Variants in SRD5A3 observed in about 807,000 individuals in gnomAD.
The protein encoded by SRD5A3 is polyprenal reductase.
In SRD5A3, 24 loss-of-function variants were observed where a neutral mutation model predicts 34.3. The observed-to-expected ratio is 0.70, with a 90% CI of 0.51 to 0.99. The LOEUF is 0.99. Among genes scored for constraint, SRD5A3 ranks in the 50% least tolerant of loss-of-function variants. The pLI, the probability that SRD5A3 is intolerant of heterozygous loss-of-function variation, is 0.00. For synonymous variants in SRD5A3, 161 were observed against 167.3 expected, an observed-to-expected ratio of 0.96 and a Z score of 0.29; for missense variants, 350 against 388.2, an observed-to-expected ratio of 0.90 and a Z score of 0.83.
intron 1 of SRD5A3, chr4:55,359,056 C>A (rs1719579260): frequency 2.5e-6 from 1 of 396,944 alleles, no homozygotes; most frequent in African/African-American, 2.1e-5. Flanking sequence ...TTCTGTTACC[C>A]AGCAATCAGA....
chr4:55,360,910 G>A (rs972636673), intron 2 of SRD5A3, among the ~76,000 whole-genome samples: 25 of 152,096 alleles, frequency 1.6e-4, no homozygotes, highest in African/African-American at 4.8e-4. Flanking sequence ...GGCTGGTCTC[G>A]AATTCCTGAC....
At chr4:55,365,593 G>A (rs1719859972) in intron 3 of SRD5A3, 1 of 152,268 alleles carries the variant, frequency 6.6e-6, no homozygotes, top group South Asian at 2.1e-4. Context: ...GCGTGTTCTT[G>A]TTTGTTGGCG....
chr4:55,354,438 C>G (rs777905605), intron 1 of SRD5A3, among the ~76,000 whole-genome samples: 1 of 152,170 alleles, frequency 6.6e-6, no homozygotes, highest in Non-Finnish European at 1.5e-5. Context: ...GTTTTAGGCC[C>G]CAAACCATAG....
At chr4:55,361,270 T>C (rs546934885) in intron 2 of SRD5A3, among the ~76,000 whole-genome samples, 49 of 151,800 alleles carry the variant, frequency 3.2e-4, no homozygotes, top group African/African-American at 1.1e-3. Flanking sequence ...TCACTTGAGG[T>C]CAAGAATTCA....
intron 1 of SRD5A3, among the ~76,000 whole-genome samples, chr4:55,353,596 G>A (rs1719292344): frequency 6.6e-6 from 1 of 152,170 alleles, no homozygotes. Flanking sequence ...TCTTGCTGCT[G>A]CTCACTCTTT....
rs1383248178 is a variant in SRD5A3, at chr4:55,372,527, C to T, written c.*2436C>T. ...GCATGGCCTTTGGTGAAAGCGTCAC[C>T]GATGGGAAATAATTGAGAATTGTGC... On this transcript the variant is annotated 3_prime_UTR_variant, in exon 5 of 5. Transcript: ENST00000264228. 3 of 152,080 alleles carry T rather than the reference C, an allele frequency of 2.0e-5. No homozygotes were observed. Among genetic ancestry groups the T allele is most frequent in the East Asian group, 1.9e-4 (1 of 5,194 alleles). 9.4% of individuals were successfully genotyped at this position (152,080 alleles called of 1,614,324 possible).
At chr4:55,353,439 C>G (rs2109465002) in intron 1 of SRD5A3, among the ~76,000 whole-genome samples, 1 of 152,300 alleles carries the variant, frequency 6.6e-6, no homozygotes, top group South Asian at 2.1e-4. Flanking sequence ...ATGGACCAAT[C>G]AGCACTCTGT....
intron 1 of SRD5A3, among the ~76,000 whole-genome samples, chr4:55,350,388 G>A (rs4864541): frequency 0.99 from 150,607 of 152,330 alleles, 74,478 homozygotes; most frequent in Middle Eastern, 1. Flanking sequence ...AGAAATATAC[G>A]TATTACTATA....
At chr4:55,350,124 C>A (rs933271774) in intron 1 of SRD5A3, among the ~76,000 whole-genome samples, 2 of 152,096 alleles carry the variant, frequency 1.3e-5, no homozygotes, top group African/African-American at 4.8e-5. Flanking sequence ...AATCCCAGCA[C>A]TTTGGGAGGC....
intron 2 of SRD5A3, among the ~76,000 whole-genome samples, 172 bp downstream of exon 2, chr4:55,359,660 A>G (rs1455940537): frequency 6.6e-6 from 1 of 152,162 alleles, no homozygotes; most frequent in Non-Finnish European, 1.5e-5. Flanking sequence ...CGGATGGCCA[A>G]AAGGATGTCC....
intron 2 of SRD5A3, among the ~76,000 whole-genome samples, chr4:55,362,862 A>G (rs746572979): frequency 1.4e-5 from 2 of 141,868 alleles, no homozygotes; most frequent in Non-Finnish European, 3.0e-5. Context: ...TTTTTTTTTA[A>G]TGGAGACAGA....
Position 55,370,450 on chromosome 4 carries a change from C to T in SRD5A3, c.*359C>T, listed in dbSNP as rs1405809223. The T allele has an allele frequency of 8.7e-5, 27 of 311,452 alleles. No homozygotes were observed. Among genetic ancestry groups the T allele is most frequent in the Non-Finnish European group, 1.4e-4 (23 of 166,490 alleles). 19.3% of individuals were successfully genotyped at this position (311,452 alleles called of 1,614,324 possible). A position where few individuals can be genotyped will look rare whatever the true frequency, so the allele number is the denominator to read the frequency against. ...ACAGCTTCACACACACACACACACA[C>T]ACACACACACACACACACACACAAA... is the stretch of plus-strand genomic sequence containing the variant. On this transcript the variant is annotated 3_prime_UTR_variant, in exon 5 of 5. Coordinates refer to ENST00000264228, the MANE Select transcript of SRD5A3 (RefSeq NM_024592.5).
intron 3 of SRD5A3, 94 bp downstream of exon 3, chr4:55,364,365 GAAGT>G (rs1719798032): frequency 4.3e-6 from 6 of 1,395,252 alleles, no homozygotes; most frequent in African/African-American, 2.8e-5. Context: ...GAGACATGCA[GAAGT>G]AAGAGACAGG....
At position 55,351,934 on chromosome 4, in the gene SRD5A3, T is replaced by C. The variant is rs553926038; in HGVS notation, c.221+5377T>C. ...CTTCTTTTAAGGTCCTGGTCAACTG[T>C]GGCCACAATATAAAACTTATGCTGA... On this transcript the variant is annotated intron_variant, in intron 1 of 4. Transcript: ENST00000264228. 4.9e-4 allele frequency: 352 copies of C among 716,258 alleles called. 2 individuals carry two copies. The African/African-American group carries it at 5.7e-3, about 12-fold the overall frequency. 44.4% of individuals were successfully genotyped at this position (716,258 alleles called of 1,614,324 possible). A position where few individuals can be genotyped will look rare whatever the true frequency, so the allele number is the denominator to read the frequency against.
chr4:55,367,824 T>G, intron 4 of SRD5A3, 102 bp downstream of exon 4: 4 of 1,462,442 alleles, frequency 2.7e-6, no homozygotes, highest in Non-Finnish European at 3.8e-6. Flanking sequence ...TAGTTGACTG[T>G]ATCAAATATT....
intron 1 of SRD5A3, among the ~76,000 whole-genome samples, chr4:55,357,728 C>T (rs1024221953): frequency 6.6e-6 from 1 of 152,174 alleles, no homozygotes; most frequent in Non-Finnish European, 1.5e-5. Flanking sequence ...TGTTAAGACA[C>T]AGGGTCTTGC....
At chr4:55,363,970 A>G in intron 2 of SRD5A3, 104 bp from the exon 3 acceptor site, 1 of 1,188,144 alleles carries the variant, frequency 8.4e-7, no homozygotes, top group Non-Finnish European at 1.3e-6. Context: ...CCAAAAAGAA[A>G]GATGTTAGAT....
Position 55,346,314 on chromosome 4 carries a change from C to T in SRD5A3, c.-23C>T, listed in dbSNP as rs987882128. The T allele has an allele frequency of 1.4e-6, 2 of 1,399,502 alleles. No individual in the cohort carries two copies. The highest frequency in any genetic ancestry group is 9.2e-7 in the Non-Finnish European group (1 of 1,081,400). The allele number at this position is 1,399,502 out of a possible 1,614,324, so 86.7% of individuals were successfully genotyped here. On this transcript the variant is annotated 5_prime_UTR_variant, in exon 1 of 5. Transcript: ENST00000264228. ...TAGCGGGCGGTGGGGGCGCCAGCAG[C>T]GCGGAAGGCGGGCACGCGGGCCATG...
chr4:55,360,593 A>G (rs1719643493), intron 2 of SRD5A3, among the ~76,000 whole-genome samples: 1 of 152,162 alleles, frequency 6.6e-6, no homozygotes, highest in Non-Finnish European at 1.5e-5. Context: ...AGGCTTTGGT[A>G]GTATAATAAA....
Sources: gnomAD v4.1 joint callset for allele counts (sites outside exome capture counted in the v4.1 genomes callset) on GRCh38, gnomAD v4.1.1 for gene constraint, MANE v1.5 for transcripts, NCBI Gene and HGNC (gene_info 2026-07-23, HGNC 2026-07-21) for gene names.